Variants in LRP1B observed in about 807,000 individuals in gnomAD.
LRP1B encodes LDL receptor related protein 1B.
LRP1B carries 217 observed loss-of-function variants against 556.6 expected under a neutral mutation model. That is an observed-to-expected ratio of 0.39 (90% CI 0.35 to 0.44). The LOEUF is 0.44. Ranked by LOEUF, LRP1B falls within the 20% of genes least tolerant of loss-of-function variation. The probability of loss-of-function intolerance (pLI) is 1.00; values close to 1 mark genes in which losing one functional copy is unlikely to be tolerated. For missense variants in LRP1B, 5,053 were observed against 5,620.8 expected, an observed-to-expected ratio of 0.90 and a Z score of 3.23; for synonymous variants, 2,047 against 1,865.8, an observed-to-expected ratio of 1.10 and a Z score of -2.50.
chr2:141,859,686 G>A (rs948749830), intron 1 of LRP1B, among the ~76,000 whole-genome samples: 1 of 152,134 alleles, frequency 6.6e-6, no homozygotes, highest in Non-Finnish European at 1.5e-5. Context: ...AAACATTTAG[G>A]TGGTGAATAT....
intron 2 of LRP1B, among the ~76,000 whole-genome samples, chr2:141,485,929 C>T (rs1028235114): frequency 1.3e-5 from 2 of 152,070 alleles, no homozygotes; most frequent in Middle Eastern, 3.2e-3. Flanking sequence ...CTGGCATTAC[C>T]TCTGTAGTGA....
intron 6 of LRP1B, among the ~76,000 whole-genome samples, chr2:141,218,225 G>C (rs1405538852): frequency 1.3e-5 from 2 of 152,158 alleles, no homozygotes; most frequent in Non-Finnish European, 2.9e-5. Context: ...AAACAGTTTT[G>C]AGATTTCTCA....
intron 89 of LRP1B, among the ~76,000 whole-genome samples, chr2:140,235,197 A>G (rs1195808156): frequency 6.6e-6 from 1 of 151,188 alleles, no homozygotes; most frequent in Admixed American, 6.6e-5. Context: ...ACTAGTACAT[A>G]TTTATCTCTT....
intron 43 of LRP1B, among the ~76,000 whole-genome samples, chr2:140,592,273 AT>A (rs1260350402): frequency 6.6e-6 from 1 of 152,208 alleles, no homozygotes; most frequent in African/African-American, 2.4e-5. Flanking sequence ...GTTAAGAACC[AT>A]AATTGGCATT....
chr2:141,013,290 A>G (rs1263452019), intron 14 of LRP1B, among the ~76,000 whole-genome samples: 1 of 152,024 alleles, frequency 6.6e-6, no homozygotes, highest in African/African-American at 2.4e-5. Flanking sequence ...GCCTTCTTCA[A>G]TGAAAATCAC....
At chr2:141,735,513 TGGG>T (rs1693431905) in intron 2 of LRP1B, among the ~76,000 whole-genome samples, 1 of 56,142 alleles carries the variant, frequency 1.8e-5, no homozygotes, top group Non-Finnish European at 3.5e-5. Flanking sequence ...GTTTTTTTTT[TGGG>T]AGGGGGGAGG....
intron 21 of LRP1B, among the ~76,000 whole-genome samples, chr2:140,914,689 A>G (rs1232679901): frequency 6.6e-6 from 1 of 152,180 alleles, no homozygotes; most frequent in African/African-American, 2.4e-5. Flanking sequence ...TTAAAATTAA[A>G]TATGAGGGAC....
intron 81 of LRP1B, among the ~76,000 whole-genome samples, chr2:140,323,190 AATTTCAGCCAT>A (rs1558800561): frequency 6.6e-6 from 1 of 152,006 alleles, no homozygotes; most frequent in African/African-American, 2.4e-5. Context: ...TGATCATTAG[AATTTCAGCCAT>A]ATTATTATTT....
chr2:141,455,438 C>T lies in LRP1B; in HGVS notation c.343+24958G>A, dbSNP rs188420530. Among the ~76,000 whole-genome samples, 207 of 152,152 alleles carry T rather than the reference C, an allele frequency of 1.4e-3. 1 individual carries two copies. Among genetic ancestry groups the T allele is most frequent in the African/African-American group, 4.3e-3 (180 of 41,494 alleles). ...CAGTGTTCAGTTGAAGTGTCCGAGT[C>T]AGGAAAACTCGAGCCTGTGCAGGAA... On this transcript the variant is annotated intron_variant, in intron 3 of 90. Coordinates refer to ENST00000389484, the MANE Select transcript of LRP1B (RefSeq NM_018557.3).
intron 2 of LRP1B, among the ~76,000 whole-genome samples, chr2:141,586,698 T>C (rs1251300255): frequency 6.6e-6 from 1 of 151,968 alleles, no homozygotes; most frequent in East Asian, 1.9e-4. Flanking sequence ...ATCCCAGCAC[T>C]TTGGGAGGCC....
intron 15 of LRP1B, among the ~76,000 whole-genome samples, chr2:140,999,756 T>G (rs1374624608): frequency 1.3e-5 from 2 of 152,044 alleles, no homozygotes; most frequent in African/African-American, 2.4e-5. Flanking sequence ...TTGTTGTTTT[T>G]GGTTTGGCAA....
intron 32 of LRP1B, among the ~76,000 whole-genome samples, chr2:140,787,860 G>A (rs1689963534): frequency 6.6e-6 from 1 of 152,062 alleles, no homozygotes; most frequent in Non-Finnish European, 1.5e-5. Context: ...CAGGTGTGGA[G>A]CCACCACACT....
At chr2:141,080,362 G>A (rs924424158) in intron 7 of LRP1B, among the ~76,000 whole-genome samples, 1 of 152,044 alleles carries the variant, frequency 6.6e-6, no homozygotes, top group Non-Finnish European at 1.5e-5. Flanking sequence ...CTTAGTGGCT[G>A]GTTCTGTTTT....
intron 2 of LRP1B, among the ~76,000 whole-genome samples, chr2:141,728,948 G>A (rs919794764): frequency 6.6e-6 from 1 of 152,088 alleles, no homozygotes; most frequent in Non-Finnish European, 1.5e-5. Flanking sequence ...GGAGAGGGGG[G>A]TGCCAGGAGT....
intron 3 of LRP1B, among the ~76,000 whole-genome samples, chr2:141,470,244 A>T (rs1048349342): frequency 9.9e-5 from 15 of 152,202 alleles, no homozygotes; most frequent in Admixed American, 9.8e-4. Flanking sequence ...ACTGGTGCAG[A>T]TCTACTTCAA....
chr2:141,116,843 A>G (rs916326025), intron 7 of LRP1B, among the ~76,000 whole-genome samples: 2 of 151,996 alleles, frequency 1.3e-5, no homozygotes, highest in Non-Finnish European at 2.9e-5. Flanking sequence ...GACTTTCCAT[A>G]GTCTTACCAC....
chr2:140,646,767 C>T (rs1230024344), intron 41 of LRP1B, among the ~76,000 whole-genome samples: 4 of 151,718 alleles, frequency 2.6e-5, no homozygotes, highest in Non-Finnish European at 5.9e-5. Flanking sequence ...CAGCATCATT[C>T]CTAGATATAT....
intron 1 of LRP1B, among the ~76,000 whole-genome samples, chr2:141,968,948 T>C (rs1701642647): frequency 1.3e-5 from 2 of 151,572 alleles, no homozygotes; most frequent in African/African-American, 4.8e-5. Flanking sequence ...ATTCTATTTC[T>C]TTTTTTCTTT....
chr2:140,500,071 TA>T (rs1489970112), intron 55 of LRP1B, among the ~76,000 whole-genome samples: 2 of 151,996 alleles, frequency 1.3e-5, no homozygotes, highest in African/African-American at 2.4e-5. Context: ...CTCATCTCAT[TA>T]AAAGATGTAC....
Sources: gnomAD v4.1 joint callset for allele counts (sites outside exome capture counted in the v4.1 genomes callset) on GRCh38, gnomAD v4.1.1 for gene constraint, MANE v1.5 for transcripts, NCBI Gene and HGNC (gene_info 2026-07-23, HGNC 2026-07-21) for gene names.